The following PABPC4L variants were observed in gnomAD, a reference collection of about 807,000 sequenced individuals.
PABPC4L encodes the protein poly(A) binding protein cytoplasmic 4 like, also known as polyadenylate-binding protein 4-like.
For synonymous variants in PABPC4L, 169 were observed against 164.1 expected (o/e 1.03, Z -0.23); for missense variants, 452 against 451.4 (o/e 1.00, Z -0.01).
At chr4:134,083,321 C>T in the PABPC4L span, among the ~76,000 whole-genome samples, 1 of 151,770 alleles carries the variant, frequency 6.6e-6, no homozygotes, top group Non-Finnish European at 1.5e-5. Flanking sequence ...TCTTGACTGC[C>T]AGCTTTACTG....
chr4:134,158,717 T>C, the PABPC4L span, among the ~76,000 whole-genome samples: 1 of 152,142 alleles, frequency 6.6e-6, no homozygotes, highest in Non-Finnish European at 1.5e-5. Flanking sequence ...TGTCATCTAC[T>C]GTAGGTTGAT....
At chr4:133,964,719 C>G in the PABPC4L span, among the ~76,000 whole-genome samples, 1 of 152,030 alleles carries the variant, frequency 6.6e-6, no homozygotes, top group African/African-American at 2.4e-5. Context: ...ACAAAAATCA[C>G]ATGATCATCT....
the PABPC4L span, among the ~76,000 whole-genome samples, chr4:134,174,057 T>A: frequency 6.6e-6 from 1 of 152,072 alleles, no homozygotes; most frequent in East Asian, 1.9e-4. Flanking sequence ...TTCTTTCTTT[T>A]TAAAAACATT....
chr4:134,185,635 G>C, the PABPC4L span, among the ~76,000 whole-genome samples: 2 of 152,102 alleles, frequency 1.3e-5, no homozygotes, highest in African/African-American at 4.8e-5. Flanking sequence ...ACAAGACAGA[G>C]ATGCCCTCTC....
the PABPC4L span, among the ~76,000 whole-genome samples, chr4:134,042,694 A>G: frequency 6.6e-6 from 1 of 152,186 alleles, no homozygotes; most frequent in East Asian, 1.9e-4. Context: ...GCAGCAGAAT[A>G]GAAATTTTAA....
Position 134,197,018 on chromosome 4 carries a change from C to T in PABPC4L, c.*2889G>A, listed in dbSNP as rs1404580559. 3.3e-5 allele frequency: 5 copies of T among 151,636 alleles called. No homozygotes were observed. Among genetic ancestry groups the T allele is most frequent in the Admixed American group, 3.3e-4 (5 of 15,206 alleles). 9.4% of individuals were successfully genotyped at this position (151,636 alleles called of 1,614,324 possible). ...ATCAAATATTGTTCAAATATTTGAA[C>T]AGTTTTACAGATTAGCTTTCCTAAA... On this transcript the variant is annotated 3_prime_UTR_variant, in exon 2 of 2. Coordinates refer to ENST00000421491, the MANE Select transcript of PABPC4L (RefSeq NM_001114734.2).
chr4:134,085,455 A>G, the PABPC4L span, among the ~76,000 whole-genome samples: 3 of 152,080 alleles, frequency 2.0e-5, no homozygotes, highest in Non-Finnish European at 2.9e-5. Context: ...ACACACACGC[A>G]CTAACGCAAA....
chr4:134,186,127 A>G, the PABPC4L span, among the ~76,000 whole-genome samples: 2 of 152,188 alleles, frequency 1.3e-5, no homozygotes, highest in African/African-American at 4.8e-5. Flanking sequence ...TAATTTACAG[A>G]TTCAATGCCA....
chr4:134,036,045 G>A, the PABPC4L span, among the ~76,000 whole-genome samples: 1 of 151,842 alleles, frequency 6.6e-6, no homozygotes, highest in Non-Finnish European at 1.5e-5. Context: ...TGACACTTAG[G>A]GATTACGAGG....
the PABPC4L span, among the ~76,000 whole-genome samples, chr4:134,134,387 T>C: frequency 6.6e-6 from 1 of 152,014 alleles, no homozygotes; most frequent in Non-Finnish European, 1.5e-5. Context: ...AAGTGGATGA[T>C]TTCAGTAATA....
At chr4:134,123,235 G>T in the PABPC4L span, among the ~76,000 whole-genome samples, 1 of 151,972 alleles carries the variant, frequency 6.6e-6, no homozygotes, top group Non-Finnish European at 1.5e-5. Context: ...CAACACACAT[G>T]TTTTCTCCAT....
the PABPC4L span, among the ~76,000 whole-genome samples, chr4:134,090,992 C>A: frequency 6.6e-6 from 1 of 151,914 alleles, no homozygotes; most frequent in African/African-American, 2.4e-5. Context: ...CTTATTTTCT[C>A]ATTTTTCCAT....
the PABPC4L span, among the ~76,000 whole-genome samples, chr4:134,085,624 A>G: frequency 1.3e-5 from 2 of 152,014 alleles, no homozygotes; most frequent in Non-Finnish European, 2.9e-5. Flanking sequence ...TTCTAACACC[A>G]TATGTTGTTT....
chr4:134,181,514 A>T, the PABPC4L span, among the ~76,000 whole-genome samples: 1 of 152,036 alleles, frequency 6.6e-6, no homozygotes, highest in African/African-American at 2.4e-5. Context: ...TAGATATCTT[A>T]GCCAAAGTAA....
chr4:134,064,332 T>C, the PABPC4L span, among the ~76,000 whole-genome samples: 2 of 146,972 alleles, frequency 1.4e-5, no homozygotes, highest in African/African-American at 4.9e-5. Context: ...CAGGACACCT[T>C]ATTATTAAAA....
the PABPC4L span, among the ~76,000 whole-genome samples, chr4:134,019,351 AT>A: frequency 6.6e-6 from 1 of 152,152 alleles, no homozygotes; most frequent in East Asian, 1.9e-4. Context: ...TCCAGAAAAT[AT>A]TTTGATGCTT....
the PABPC4L span, among the ~76,000 whole-genome samples, chr4:134,092,225 C>A: frequency 6.6e-6 from 1 of 151,914 alleles, no homozygotes; most frequent in Non-Finnish European, 1.5e-5. Context: ...CAAAACCACC[C>A]AGGCCTGCCA....
At chr4:134,053,613 C>A in the PABPC4L span, among the ~76,000 whole-genome samples, 2 of 152,050 alleles carry the variant, frequency 1.3e-5, no homozygotes, top group African/African-American at 4.8e-5. Flanking sequence ...GTCCCCAGAT[C>A]TACTTAAATT....
chr4:134,200,028 C>T lies in PABPC4L; in HGVS notation c.992G>A (p.Ser331Asn), dbSNP rs6830036. Residue 331 changes from serine to asparagine, a missense_variant, in exon 2 of 2, where the codon AGC becomes AAC. Coordinates refer to ENST00000421491, the MANE Select transcript of PABPC4L (RefSeq NM_001114734.2). Reference sequence around the variant, plus strand: ...GAAGCAGATCAAGCCAAACCCTTTGCTCTGCCCCTCTTCCTGCATTACCTT... The same window carrying T: ...GAAGCAGATCAAGCCAAACCCTTTGTTCTGCCCCTCTTCCTGCATTACCTT... ...RVKVMQEEGQ[S>N]KGFGLICFSS... 11,581 of 1,551,696 alleles carry T rather than the reference C, an allele frequency of 7.5e-3. 83 individuals carry two copies. Among genetic ancestry groups the T allele is most frequent in the Non-Finnish European group, 8.8e-3 (10,073 of 1,146,974 alleles).
Sources: gnomAD v4.1 joint callset for allele counts (sites outside exome capture counted in the v4.1 genomes callset) on GRCh38, gnomAD v4.1.1 for gene constraint, MANE v1.5 for transcripts, NCBI Gene and HGNC (gene_info 2026-07-23, HGNC 2026-07-21) for gene names.